The following NEDD9 variants were observed in gnomAD, a reference collection of about 807,000 sequenced individuals.
The protein encoded by NEDD9 is enhancer of filamentation 1.
A neutral mutation model predicts 76.6 loss-of-function variants in NEDD9; 26 were observed. The observed-to-expected ratio is 0.34, with a 90% CI of 0.25 to 0.47. The LOEUF (loss-of-function observed/expected upper bound fraction) is 0.47. Among genes scored for constraint, NEDD9 ranks in the 20% least tolerant of loss-of-function variants. The pLI is 1.00. For missense variants in NEDD9, 937 were observed against 1,058.5 expected (o/e 0.89, Z 1.59); for synonymous variants, 392 against 414.2 (o/e 0.95, Z 0.65).
chr6:11,298,978 T>C (rs1476445139), intron 3 of NEDD9, among the ~76,000 whole-genome samples: 1 of 152,188 alleles, frequency 6.6e-6, no homozygotes, highest in Non-Finnish European at 1.5e-5. Flanking sequence ...TTCATCTCAC[T>C]GGGACCGGTT....
At chr6:11,248,919 G>A (rs996694735) in intron 3 of NEDD9, 23 of 349,678 alleles carry the variant, frequency 6.6e-5, no homozygotes, top group Admixed American at 5.2e-4. Flanking sequence ...TCCTCCATCT[G>A]ATCATTGAAT....
At position 11,305,014 on chromosome 6, in the gene NEDD9, C is replaced by T. The variant is rs187089644; in HGVS notation, c.12+978G>A. ...TGTTTTTAATGCCTTCCAGGGAAAT[C>T]CTTTTGTTACTTATCAAATTATTTA... is the stretch of plus-strand genomic sequence containing the variant. On this transcript the variant is annotated intron_variant, in intron 3 of 3. Coordinates refer to the NEDD9 transcript ENST00000397378. 47 of 1,159,822 alleles carry T rather than the reference C, an allele frequency of 4.1e-5. No homozygotes were observed. The Admixed American group carries it at 1.0e-3, about 25-fold the overall frequency. 71.8% of individuals were successfully genotyped at this position (1,159,822 alleles called of 1,614,324 possible).
At chr6:11,327,189 A>G (rs532954847) in intron 2 of NEDD9, among the ~76,000 whole-genome samples, 2 of 152,196 alleles carry the variant, frequency 1.3e-5, no homozygotes, top group Admixed American at 6.5e-5. Flanking sequence ...CTGGGCCTCA[A>G]CTTTTGAAGA....
chr6:11,202,213 C>G (rs920776020), intron 2 of NEDD9, among the ~76,000 whole-genome samples: 2 of 152,300 alleles, frequency 1.3e-5, no homozygotes, highest in African/African-American at 4.8e-5. Flanking sequence ...AATTTGACTG[C>G]TTCCTGTCTA....
At chr6:11,225,778 G>A (rs1759290852) in intron 1 of NEDD9, among the ~76,000 whole-genome samples, 1 of 150,802 alleles carries the variant, frequency 6.6e-6, no homozygotes, top group South Asian at 2.1e-4. Flanking sequence ...TGGGATTACA[G>A]GTGTGAGCCA....
At chr6:11,286,139 T>C (rs1760644356) in intron 3 of NEDD9, among the ~76,000 whole-genome samples, 1 of 152,148 alleles carries the variant, frequency 6.6e-6, no homozygotes, top group South Asian at 2.1e-4. Context: ...CTCTCATTAC[T>C]GAATAATAAG....
chr6:11,370,662 C>T lies in NEDD9; in HGVS notation c.-214+11477G>A, dbSNP rs1346262452. On this transcript the variant is annotated intron_variant, in intron 1 of 3. Coordinates refer to the NEDD9 transcript ENST00000397378. The surrounding 1 kb of genome is among the most constrained non-coding windows in gnomAD (Gnocchi z 4.2). ...AGCTTCTTTCCCTGCCTGGTAGCAC[C>T]CGTCCCTCACGCTCACTGGATGATC... Among the ~76,000 whole-genome samples the T allele has an allele frequency of 6.6e-6, 1 of 152,238 alleles. No individual in the cohort carries two copies. The highest frequency in any genetic ancestry group is 2.4e-5 in the African/African-American group (1 of 41,464).
At position 11,184,569 on chromosome 6, in the gene NEDD9, G is replaced by A. The variant is rs41271643; in HGVS notation, c.*593C>T. On this transcript the variant is annotated 3_prime_UTR_variant, in exon 7 of 7. Transcript: ENST00000379446. ...ACATATATATTCTGAAATTTGCTCCGCAAGAGGGCTTTTGGGCACTTGGCC... is the reference window on the plus strand; with the variant it reads ...ACATATATATTCTGAAATTTGCTCCACAAGAGGGCTTTTGGGCACTTGGCC... The A allele has an allele frequency of 0.02, 3,057 of 152,650 alleles. 44 individuals are homozygous for A. The highest frequency in any genetic ancestry group is 0.048 in the South Asian group (233 of 4,834). The allele number at this position is 152,650 out of a possible 1,614,324, so 9.5% of individuals were successfully genotyped here.
intron 3 of NEDD9, among the ~76,000 whole-genome samples, chr6:11,266,890 C>T (rs79592519): frequency 0.069 from 10,447 of 152,264 alleles, 373 homozygotes; most frequent in Middle Eastern, 0.14. Flanking sequence ...AGACTGGGCT[C>T]ATCTTGGTGT....
At chr6:11,346,829 C>T (rs1762374109) in intron 1 of NEDD9, among the ~76,000 whole-genome samples, 1 of 152,060 alleles carries the variant, frequency 6.6e-6, no homozygotes, top group Admixed American at 6.6e-5. Context: ...GATGTGCAAA[C>T]CTCTTTTCTC....
chr6:11,259,630 C>A (rs945984968), intron 3 of NEDD9, among the ~76,000 whole-genome samples: 2 of 152,108 alleles, frequency 1.3e-5, no homozygotes, highest in East Asian at 1.9e-4. Flanking sequence ...AAAGAAAAAA[C>A]CACCTTACAA....
chr6:11,214,494 C>T (rs1483064875), intron 1 of NEDD9, among the ~76,000 whole-genome samples: 1 of 152,230 alleles, frequency 6.6e-6, no homozygotes, highest in Non-Finnish European at 1.5e-5. Context: ...TTGAATCTCA[C>T]CATTCACATC....
intron 3 of NEDD9, among the ~76,000 whole-genome samples, chr6:11,193,172 G>A (rs566888276): frequency 1.4e-5 from 2 of 145,896 alleles, no homozygotes; most frequent in African/African-American, 2.5e-5. Flanking sequence ...GTATGGTGGT[G>A]TGTGTGCCTG....
At chr6:11,224,909 T>C (rs994416535) in intron 1 of NEDD9, among the ~76,000 whole-genome samples, 4 of 152,186 alleles carry the variant, frequency 2.6e-5, no homozygotes, top group African/African-American at 9.7e-5. Flanking sequence ...GGCTAACTCA[T>C]AGTTACCAAG....
rs7745809 is a variant in NEDD9 at position 11,202,389 on chromosome 6, T to C, written c.460-8697A>G. ...AGCTACCACAGTATTTATTAGACTT[T>C]ATAATAACCTCTTTGTCTTAAATGA... On this transcript the variant is annotated intron_variant, in intron 2 of 6. Transcript: ENST00000379446. 6.7e-3 allele frequency among the ~76,000 whole-genome samples: 1,019 copies of C among 152,324 alleles called. 10 individuals are homozygous for C. Among genetic ancestry groups the C allele is most frequent in the African/African-American group, 0.023 (946 of 41,560 alleles).
In NEDD9 at chr6:11,287,599, G is replaced by A. The variant is rs78987095; in HGVS notation, c.12+18393C>T. ...TAAGGGCTACAGATAACGGTCTTGAGTTTTTAGGCAATATTCTTCATCCCC... is the reference window on the plus strand; with the variant it reads ...TAAGGGCTACAGATAACGGTCTTGAATTTTTAGGCAATATTCTTCATCCCC... On this transcript the variant is annotated intron_variant, in intron 3 of 3. Coordinates refer to the NEDD9 transcript ENST00000397378. Among the ~76,000 whole-genome samples the A allele has an allele frequency of 4.4e-3, 669 of 152,218 alleles. 8 individuals are homozygous for A. The East Asian group carries it at 0.063, about 14-fold the overall frequency.
rs1758131618 is a variant in NEDD9, at chr6:11,191,079, G to C, written c.790C>G (p.Pro264Ala). Residue 264 changes from proline (P) to alanine (A), a missense_variant, in exon 5 of 7, where the codon CCT (proline) becomes GCT (alanine). Coordinates refer to ENST00000379446, the MANE Select transcript of NEDD9 (RefSeq NM_006403.4). The stretch of plus-strand genomic sequence containing the variant: ...CCTGCTGGCTTGGTGCAGGTTGGAG[G>C]AATGTCATAAACCCCCTCCGGTCTG... ...DLRPEGVYDI[P>A]PTCTKPAGKD... 6.2e-7 allele frequency: 1 copy of C among 1,613,978 alleles called. No homozygotes were observed. The highest frequency in any genetic ancestry group is 2.2e-5 in the East Asian group (1 of 44,854).
In NEDD9 at chr6:11,207,147, A is replaced by T. The variant is rs139169103; in HGVS notation, c.459+6134T>A. 5.9e-3 allele frequency among the ~76,000 whole-genome samples: 900 copies of T among 152,328 alleles called. 4 individuals are homozygous for T. Among genetic ancestry groups the T allele is most frequent in the African/African-American group, 0.021 (855 of 41,574 alleles). On this transcript the variant is annotated intron_variant, in intron 2 of 6. Coordinates refer to ENST00000379446, the MANE Select transcript of NEDD9 (RefSeq NM_006403.4). ...CAAGGAACAGGAGAAAGTGAGGTGA[A>T]GTCAGAATTTAACTTTTCTGGAAGC...
At chr6:11,298,746 G>T (rs1760963316) in intron 3 of NEDD9, among the ~76,000 whole-genome samples, 2 of 152,154 alleles carry the variant, frequency 1.3e-5, no homozygotes. Context: ...TTACTAATTT[G>T]GTTTGGTGGA....
Sources: gnomAD v4.1 joint callset for allele counts (sites outside exome capture counted in the v4.1 genomes callset) on GRCh38, gnomAD v4.1.1 for gene constraint, Gnocchi (gnomAD v3.1) non-coding constraint, MANE v1.5 for transcripts, NCBI Gene and HGNC (gene_info 2026-07-23, HGNC 2026-07-21) for gene names.